Variants in SVOP observed in about 807,000 individuals in gnomAD.
SVOP encodes the protein synaptic vesicle 2-related protein.
A neutral mutation model predicts 69.1 loss-of-function variants in SVOP; 17 were observed. The observed-to-expected ratio is 0.25, with a 90% CI of 0.17 to 0.37. The LOEUF (loss-of-function observed/expected upper bound fraction) is 0.37. SVOP is among the 10% of genes least tolerant of loss of function. SVOP has a pLI of 1.00. For missense variants in SVOP, 435 were observed against 597.5 expected (o/e 0.73, Z 2.84); for synonymous variants, 238 against 238.6 (o/e 1.00, Z 0.02).
rs75148067 is a variant in SVOP at position 108,918,509 on chromosome 12, C to T, written c.1269-385G>A. Among the ~76,000 whole-genome samples the T allele has an allele frequency of 5.5e-3, 841 of 152,282 alleles. 13 individuals are homozygous for T. The highest frequency in any genetic ancestry group is 0.024 in the East Asian group (125 of 5,178). ...TTAGTATTCTTAGGATAATTCTGAT[C>T]CCAACCCTCTGTCCCATTGTTCCCA... On this transcript the variant is annotated intron_variant, in intron 13 of 15. Transcript: ENST00000610966.
chr12:108,952,852 C>T (rs899163549), intron 6 of SVOP, among the ~76,000 whole-genome samples: 3 of 152,062 alleles, frequency 2.0e-5, no homozygotes, highest in Admixed American at 6.6e-5. Context: ...GAGCGAAATC[C>T]GGTTTCAAAA....
chr12:108,940,716 C>A, intron 8 of SVOP, 68 bp downstream of exon 8: 1 of 1,510,966 alleles, frequency 6.6e-7, no homozygotes, highest in South Asian at 1.2e-5. Flanking sequence ...CTATCCCCTC[C>A]CCACCAAAAT....
chr12:108,949,718 C>A (rs2039944230), intron 6 of SVOP, among the ~76,000 whole-genome samples: 1 of 146,584 alleles, frequency 6.8e-6, no homozygotes. Flanking sequence ...TTTTTCTTAA[C>A]ATACACAGCA....
chr12:108,935,901 T>C (rs1287838355), intron 10 of SVOP, among the ~76,000 whole-genome samples: 2 of 152,110 alleles, frequency 1.3e-5, no homozygotes, highest in Non-Finnish European at 2.9e-5. Context: ...GGATCAGAAC[T>C]GGAACTTAAA....
intron 11 of SVOP, among the ~76,000 whole-genome samples, chr12:108,928,186 G>T (rs890840548): frequency 6.6e-6 from 1 of 152,122 alleles, no homozygotes; most frequent in African/African-American, 2.4e-5. Flanking sequence ...TTACAGGTGT[G>T]AGCCACCATG....
At chr12:108,970,236 A>C (rs143930305) in intron 5 of SVOP, among the ~76,000 whole-genome samples, 1 of 151,516 alleles carries the variant, frequency 6.6e-6, no homozygotes, top group Non-Finnish European at 1.5e-5. Flanking sequence ...TTCAAGCCAC[A>C]GGCATCATAG....
chr12:108,944,599 G>A (rs955646397), intron 7 of SVOP, among the ~76,000 whole-genome samples: 5 of 152,174 alleles, frequency 3.3e-5, no homozygotes, highest in African/African-American at 1.2e-4. Context: ...TATTTGCTCT[G>A]AGATCTTTCA....
intron 11 of SVOP, 29 bp downstream of exon 11, chr12:108,934,166 T>A (rs1433507314): frequency 6.3e-7 from 1 of 1,578,344 alleles, no homozygotes; most frequent in Non-Finnish European, 8.6e-7. Flanking sequence ...TGGGAGTAGT[T>A]AGCTGGCAAA....
intron 15 of SVOP, among the ~76,000 whole-genome samples, chr12:108,913,009 G>A (rs1462064631): frequency 2.0e-5 from 3 of 152,024 alleles, no homozygotes; most frequent in African/African-American, 4.8e-5. Flanking sequence ...CTGCAGAATC[G>A]TGAGTCAAAT....
rs143444041 is a variant in SVOP at position 108,967,285 on chromosome 12, G to A, written c.453+5120C>T. On this transcript the variant is annotated intron_variant, in intron 5 of 15. Transcript: ENST00000610966. ...GGAGGCCGATGTGGGCAGATCACGAGGTCAGGAGATCGAGACCATCCTGGC... is the reference window on the plus strand; with the variant it reads ...GGAGGCCGATGTGGGCAGATCACGAAGTCAGGAGATCGAGACCATCCTGGC... Among the ~76,000 whole-genome samples the A allele has an allele frequency of 9.4e-3, 1,437 of 152,152 alleles. 22 individuals carry two copies. The highest frequency in any genetic ancestry group is 0.032 in the African/African-American group (1,348 of 41,528).
At chr12:109,011,218 T>C (rs542554957) in intron 1 of SVOP, among the ~76,000 whole-genome samples, 41 of 151,788 alleles carry the variant, frequency 2.7e-4, no homozygotes, top group Admixed American at 4.6e-4. Flanking sequence ...CACTATCTTA[T>C]ATAAGGCACT....
intron 5 of SVOP, among the ~76,000 whole-genome samples, chr12:108,965,998 C>T (rs988199599): frequency 8.1e-5 from 12 of 148,846 alleles, no homozygotes; most frequent in African/African-American, 2.7e-4. Flanking sequence ...CCCTCCCTTC[C>T]TTCCTTTCCT....
At chr12:108,978,858 G>GA (rs2040120624) in intron 2 of SVOP, among the ~76,000 whole-genome samples, 195 bp from the exon 3 acceptor site, 1 of 152,110 alleles carries the variant, frequency 6.6e-6, no homozygotes, top group African/African-American at 2.4e-5. Flanking sequence ...GGGAGAAACG[G>GA]AAAAACCCAG....
At chr12:108,936,021 A>AACACACACACACAC (rs1555249287) in intron 10 of SVOP, among the ~76,000 whole-genome samples, 1 of 73,662 alleles carries the variant, frequency 1.4e-5, no homozygotes, top group Non-Finnish European at 2.4e-5. Context: ...ACATAGTATA[A>AACACACACACACAC]ATACACACAC....
intron 6 of SVOP, among the ~76,000 whole-genome samples, chr12:108,949,640 T>C (rs1257836569): frequency 2.6e-5 from 4 of 152,150 alleles, no homozygotes; most frequent in African/African-American, 9.6e-5. Flanking sequence ...ATTTCTTTCT[T>C]TTTCCCTTCT....
chr12:108,979,424 T>C (rs1287017205), intron 2 of SVOP, among the ~76,000 whole-genome samples: 2 of 152,174 alleles, frequency 1.3e-5, no homozygotes, highest in African/African-American at 4.8e-5. Flanking sequence ...CTATTTTTTG[T>C]AGAGATGAGG....
intron 1 of SVOP, among the ~76,000 whole-genome samples, chr12:108,987,230 G>C (rs945915747): frequency 6.6e-6 from 1 of 152,104 alleles, no homozygotes; most frequent in African/African-American, 2.4e-5. Context: ...ATTTCCCTTA[G>C]CATAATGTCT....
rs573182638 is a variant in SVOP at position 108,920,216 on chromosome 12, G to A, written c.1157-430C>T. Among the ~76,000 whole-genome samples the A allele has an allele frequency of 2.0e-5, 3 of 152,318 alleles. No homozygotes were observed. In the South Asian group the frequency reaches 6.2e-4, roughly 32 times the overall value. Reference sequence around the variant, plus strand: ...CAGACCCTGGGCCAATGCCTTGATTGCAGCCACATGAAATATGCTGAAGTA... The same window carrying A: ...CAGACCCTGGGCCAATGCCTTGATTACAGCCACATGAAATATGCTGAAGTA... On this transcript the variant is annotated intron_variant, in intron 12 of 15. Coordinates refer to ENST00000610966, the MANE Select transcript of SVOP (RefSeq NM_018711.5).
intron 1 of SVOP, among the ~76,000 whole-genome samples, chr12:108,989,914 T>C (rs2040190079): frequency 6.6e-6 from 1 of 152,362 alleles, no homozygotes; most frequent in African/African-American, 2.4e-5. Flanking sequence ...CCAAGAGCTA[T>C]GCGAAGCCCT....
Sources: allele counts gnomAD v4.1 joint callset (sites outside exome capture counted in the v4.1 genomes callset), GRCh38; gene constraint gnomAD v4.1.1; transcripts MANE v1.5; gene names NCBI Gene and HGNC (gene_info 2026-07-23, HGNC 2026-07-21).